Variants in MERTK observed in about 807,000 individuals in gnomAD.
The protein encoded by MERTK is MER proto-oncogene, tyrosine kinase.
Under a neutral mutation model 99.3 loss-of-function variants are expected in MERTK, and 69 were observed. That is an observed-to-expected ratio of 0.70 (90% CI 0.57 to 0.85). The LOEUF (loss-of-function observed/expected upper bound fraction) is 0.85. Ranked by LOEUF, MERTK falls within the 40% of genes least tolerant of loss-of-function variation. MERTK has a pLI of 0.00. For synonymous variants in MERTK, 426 were observed against 467.6 expected (o/e 0.91, Z 1.15); for missense variants, 1,125 against 1,249.4 (o/e 0.90, Z 1.50).
chr2:111,964,547 GA>G (rs1685324275), intron 4 of MERTK, among the ~76,000 whole-genome samples: 1 of 152,214 alleles, frequency 6.6e-6, no homozygotes, highest in Non-Finnish European at 1.5e-5. Context: ...AATGGCATTA[GA>G]AAACAAGATC....
At chr2:111,899,848 T>A (rs1421149617) in intron 1 of MERTK, among the ~76,000 whole-genome samples, 1 of 152,008 alleles carries the variant, frequency 6.6e-6, no homozygotes, top group Non-Finnish European at 1.5e-5. Flanking sequence ...GATGCTGGAC[T>A]GATACGTGGA....
At chr2:111,981,672 C>T (rs989198315) in intron 7 of MERTK, among the ~76,000 whole-genome samples, 14 of 152,038 alleles carry the variant, frequency 9.2e-5, no homozygotes, top group African/African-American at 3.4e-4. Flanking sequence ...GTTATTCTCT[C>T]CCAAAAAAGA....
chr2:112,011,492 C>G (rs184629379), intron 15 of MERTK, among the ~76,000 whole-genome samples: 56 of 152,274 alleles, frequency 3.7e-4, no homozygotes, highest in African/African-American at 1.3e-3. Context: ...TGGCTCATGC[C>G]TGTAATCCCA....
At chr2:111,898,913 A>G (rs1427832402) in intron 1 of MERTK, 117 bp downstream of exon 1, 1 of 1,090,708 alleles carries the variant, frequency 9.2e-7, no homozygotes, top group South Asian at 1.6e-5. Context: ...CAAGTTTGCA[A>G]ACACCCTCCA....
At position 111,968,243 on chromosome 2, in the gene MERTK, C is replaced by A; in HGVS notation, c.951C>A (p.Cys317Ter). The change falls in exon 6 of 19, where the codon TGC (cysteine) becomes TGA (stop). Residue 317 changes from cysteine to a stop codon, truncating the protein, a stop_gained. Coordinates refer to ENST00000295408, the MANE Select transcript of MERTK (RefSeq NM_006343.3). LOFTEE classifies it high-confidence loss of function. ...ATGGATACTCCCCGTTCAGGAATTG[C>A]AGCATTCAGGTAAAGTTCCAGGGTG... is the stretch of plus-strand genomic sequence containing the variant. ...GFDGYSPFRN[C>*]SIQVKEADPL... is the part of the protein sequence containing the mutation. 6.2e-7 allele frequency: 1 copy of A among 1,612,490 alleles called. No individual in the cohort carries two copies. The highest frequency in any genetic ancestry group is 1.7e-5 in the Admixed American group (1 of 59,994).
chr2:111,959,005 A>G (rs994255903), intron 4 of MERTK, among the ~76,000 whole-genome samples: 1 of 141,628 alleles, frequency 7.1e-6, no homozygotes, highest in African/African-American at 2.7e-5. Flanking sequence ...CTCCTCCAAT[A>G]TATAAAAAAG....
intron 4 of MERTK, among the ~76,000 whole-genome samples, chr2:111,963,885 T>A (rs1462080923): frequency 6.6e-6 from 1 of 151,950 alleles, no homozygotes; most frequent in African/African-American, 2.4e-5. Context: ...ATTTTTTTCA[T>A]CATTAGCCTG....
intron 6 of MERTK, among the ~76,000 whole-genome samples, chr2:111,974,196 C>T (rs1355532721): frequency 2.1e-5 from 3 of 142,516 alleles, no homozygotes; most frequent in Admixed American, 1.4e-4. Flanking sequence ...CAAGACCAGC[C>T]TGGCCAACAT....
chr2:111,918,170 TG>T (rs1334850891), intron 1 of MERTK, among the ~76,000 whole-genome samples: 1 of 152,202 alleles, frequency 6.6e-6, no homozygotes, highest in Non-Finnish European at 1.5e-5. Context: ...TCTAGTGTTC[TG>T]GGGTGTACTT....
At chr2:112,015,829 T>C (rs1027040403) in intron 15 of MERTK, 3 of 154,382 alleles carry the variant, frequency 1.9e-5, no homozygotes, top group African/African-American at 7.2e-5. Flanking sequence ...TGACCAATTC[T>C]GAGTTATTTT....
chr2:111,899,236 G>T (rs1683990273), intron 1 of MERTK, among the ~76,000 whole-genome samples: 1 of 152,228 alleles, frequency 6.6e-6, no homozygotes, highest in Admixed American at 6.5e-5. Flanking sequence ...CACAGATCCG[G>T]TCTCCCGAGG....
At chr2:111,966,282 C>G (rs1002864314) in intron 5 of MERTK, among the ~76,000 whole-genome samples, 2 of 152,016 alleles carry the variant, frequency 1.3e-5, no homozygotes, top group African/African-American at 4.8e-5. Context: ...AAGTTATACT[C>G]AAAAAAGATG....
At chr2:111,938,852 G>C (rs138245041) in intron 2 of MERTK, among the ~76,000 whole-genome samples, 2 of 152,150 alleles carry the variant, frequency 1.3e-5, no homozygotes, top group Non-Finnish European at 2.9e-5. Context: ...TCTTTCCAGA[G>C]ATATTCAATC....
chr2:111,982,883 G>A lies in MERTK; in HGVS notation c.1186G>A (p.Glu396Lys). The change falls in exon 8 of 19, where the codon GAA becomes AAA. Residue 396 changes from glutamate (E) to lysine (K), a missense_variant. Coordinates refer to ENST00000295408, the MANE Select transcript of MERTK (RefSeq NM_006343.3). ...APLNVTVFLNESSDNVDIRWM... is the reference protein window; with the variant it reads ...APLNVTVFLNKSSDNVDIRWM... ...TTTAAATGTCACTGTGTTTCTGAAT[G>A]AATCTAGTGATAATGTGGACATCAG... 1.2e-6 allele frequency: 2 copies of A among 1,614,044 alleles called. No individual in the cohort carries two copies. Among genetic ancestry groups the A allele is most frequent in the Non-Finnish European group, 1.7e-6 (2 of 1,179,956 alleles).
intron 6 of MERTK, among the ~76,000 whole-genome samples, chr2:111,972,594 C>T (rs1054427536): frequency 6.6e-6 from 1 of 152,112 alleles, no homozygotes; most frequent in Non-Finnish European, 1.5e-5. Context: ...TCTTGCCCAC[C>T]TTGGATTCTG....
intron 4 of MERTK, among the ~76,000 whole-genome samples, chr2:111,961,332 T>A (rs981839635): frequency 4.0e-5 from 6 of 151,868 alleles, no homozygotes; most frequent in African/African-American, 1.5e-4. Flanking sequence ...GGCTAATTTT[T>A]TTGTATTTTT....
chr2:111,962,169 A>G (rs996509632), intron 4 of MERTK, among the ~76,000 whole-genome samples: 2 of 152,228 alleles, frequency 1.3e-5, no homozygotes, highest in Non-Finnish European at 2.9e-5. Context: ...AGAAGTTTCC[A>G]GATTCAACTA....
chr2:111,919,235 G>A (rs1316728563), intron 1 of MERTK, among the ~76,000 whole-genome samples: 1 of 152,128 alleles, frequency 6.6e-6, no homozygotes, highest in African/African-American at 2.4e-5. Flanking sequence ...AGGCCATTCA[G>A]TGCCCCCCAT....
intron 9 of MERTK, chr2:111,995,378 A>G (rs1676714047): frequency 5.3e-6 from 1 of 188,354 alleles, no homozygotes; most frequent in Admixed American, 4.2e-5. Flanking sequence ...TTAATGTTAA[A>G]CGGCTGTCAT....
Sources: allele counts gnomAD v4.1 joint callset (sites outside exome capture counted in the v4.1 genomes callset), GRCh38; gene constraint gnomAD v4.1.1; transcripts MANE v1.5; gene names NCBI Gene and HGNC (gene_info 2026-07-23, HGNC 2026-07-21).